Variants in AGBL5 observed in about 807,000 individuals in gnomAD.
The protein encoded by AGBL5 is cytosolic carboxypeptidase-like protein 5.
In AGBL5, 51 loss-of-function variants were observed where a neutral mutation model predicts 88.0. The observed-to-expected ratio is 0.58, with a 90% CI of 0.46 to 0.73. The LOEUF is 0.73. Among genes scored for constraint, AGBL5 ranks in the 30% least tolerant of loss-of-function variants. AGBL5 has a pLI of 0.00. For missense variants in AGBL5, 1,031 were observed against 1,162.2 expected (o/e 0.89, Z 1.64); for synonymous variants, 446 against 438.8 (o/e 1.02, Z -0.21).
rs779780941 is a variant in AGBL5 at position 27,058,570 on chromosome 2, G to A, written c.1842G>A (p.Lys614=). The change falls in exon 10 of 15, where the codon AAG becomes AAA. Residue 614 remains lysine (K), a synonymous_variant. Transcript: ENST00000360131. ...CTCTGAATGTGGGTGTCAACAAGAA[G>A]AGGGGCCTTCGAACTCCACCCAAAA... ...SSTLNVGVNK[K]RGLRTPPKSH... 5.0e-6 allele frequency: 8 copies of A among 1,614,068 alleles called. No individual in the cohort carries two copies. In the African/African-American group the frequency reaches 1.1e-4, roughly 22 times the overall value.
At position 27,058,519 on chromosome 2, in the gene AGBL5, A is replaced by G; in HGVS notation, c.1791A>G (p.Val597=). The G allele has an allele frequency of 1.9e-6, 3 of 1,614,220 alleles. No homozygotes were observed. The highest frequency in any genetic ancestry group is 1.7e-6 in the Non-Finnish European group (2 of 1,180,042). ...TNLRAWMLKH[V]RNSRGLSSTL... Reference sequence around the variant, plus strand: ...TACGGGCCTGGATGCTGAAACATGTACGCAACAGCCGAGGCCTAAGCAGCA... The same window carrying G: ...TACGGGCCTGGATGCTGAAACATGTGCGCAACAGCCGAGGCCTAAGCAGCA... The change falls in exon 10 of 15, where the codon GTA becomes GTG. Residue 597 remains valine (V), a synonymous_variant. Transcript: ENST00000360131.
At chr2:27,063,494 C>G (rs944282479) in intron 11 of AGBL5, among the ~76,000 whole-genome samples, 2 of 151,640 alleles carry the variant, frequency 1.3e-5, no homozygotes, top group African/African-American at 2.4e-5. Flanking sequence ...ACTCGGAAGG[C>G]TGAGGCAGGA....
At chr2:27,051,238 C>T (rs1353003313), upstream of AGBL5, among the ~76,000 whole-genome samples, 5 of 152,174 alleles carry the variant, frequency 3.3e-5, no homozygotes, top group East Asian at 1.9e-4. Context: ...AATGGTAGAG[C>T]GCTCGCTTAG....
intron 11 of AGBL5, among the ~76,000 whole-genome samples, chr2:27,060,638 G>T (rs1163805703): frequency 1.3e-5 from 2 of 152,294 alleles, no homozygotes; most frequent in East Asian, 3.9e-4. Context: ...GTCAGTGGCT[G>T]TGTAAATCTG....
rs375903966 is a variant in AGBL5 at position 27,055,227 on chromosome 2, C to T, written c.882C>T (p.Pro294=). Reference sequence around the variant, plus strand: ...TTAAGCTGATTCCCATGTTGAACCCCGATGGTGTGGTCCGGGGACACTACC... The same window carrying T: ...TTAAGCTGATTCCCATGTTGAACCCTGATGGTGTGGTCCGGGGACACTACC... ...FVFKLIPMLN[P]DGVVRGHYRT... The change falls in exon 6 of 15, where the codon CCC becomes CCT. Residue 294 remains proline (P), a synonymous_variant. Transcript: ENST00000360131. 10 of 1,614,160 alleles carry T rather than the reference C, an allele frequency of 6.2e-6. No homozygotes were observed. The East Asian group carries it at 6.7e-5, about 11-fold the overall frequency.
rs913144478 is a variant in AGBL5 at position 27,069,947 on chromosome 2, G to A, written c.2490-145G>A. On this transcript the variant is annotated intron_variant, in intron 14 of 14. Transcript: ENST00000360131. ...GGTCTAGGAGCTGGCTGGTTCCAGC[G>A]TCAAACCACTGTGCAGTAACCAACT... The A allele has an allele frequency of 2.6e-5, 39 of 1,491,476 alleles. No homozygotes were observed. In the East Asian group the frequency reaches 3.5e-4, roughly 13 times the overall value. 92.4% of individuals were successfully genotyped at this position (1,491,476 alleles called of 1,614,324 possible). A position where few individuals can be genotyped will look rare whatever the true frequency, so the allele number is the denominator to read the frequency against.
chr2:27,051,911 T>C (rs1342184036), intron 1 of AGBL5, 118 bp downstream of exon 1: 2 of 99,202 alleles, frequency 2.0e-5, no homozygotes, highest in African/African-American at 7.8e-5. Flanking sequence ...CGCACCCCGC[T>C]CCCGACCTGG....
chr2:27,059,579 T>C, intron 11 of AGBL5, 175 bp downstream of exon 11: 1 of 1,438,596 alleles, frequency 7.0e-7, no homozygotes, highest in Non-Finnish European at 9.3e-7. Flanking sequence ...GCGGCATGAT[T>C]CCAGAGCGGT....
intron 4 of AGBL5, 128 bp from the exon 5 acceptor site, chr2:27,054,502 T>C: frequency 1.2e-6 from 1 of 827,068 alleles, no homozygotes; most frequent in Non-Finnish European, 1.9e-6. Flanking sequence ...TTTAACATTG[T>C]GAGGGACTAT....
Position 27,054,987 on chromosome 2 carries a change from TC to T in AGBL5, c.730-86del. The T allele has an allele frequency of 3.3e-6, 5 of 1,514,518 alleles. No individual in the cohort carries two copies. In the South Asian group the frequency reaches 6.1e-5, roughly 19 times the overall value. The allele number at this position is 1,514,518 out of a possible 1,614,324, so 93.8% of individuals were successfully genotyped here. On this transcript the variant is annotated intron_variant, in intron 5 of 14. Transcript: ENST00000360131. ...AGCCAGCTGGAAATCCAGCGGCTAT[TC>T]CTGCCTCATCCATGACACCCCCCAT...
rs775595367 is a variant in AGBL5, at chr2:27,059,227, C to T, written c.1912C>T (p.Arg638Trp). ...PVSCSENTLS[R>W]ARSFSTGTSA... The stretch of plus-strand genomic sequence containing the variant: ...CTCCTGCTCCGAAAACACCTTGAGT[C>T]GGGCACGAAGTTTTAGCACCGGCAC... Residue 638 changes from arginine to tryptophan, a missense_variant, in exon 11 of 15, where the codon CGG (arginine) becomes TGG (tryptophan). Arg to Trp is a moderately radical substitution (Grantham distance 101). Transcript: ENST00000360131. 52 of 1,613,850 alleles carry T rather than the reference C, an allele frequency of 3.2e-5. No individual in the cohort carries two copies. The highest frequency in any genetic ancestry group is 6.7e-5 in the East Asian group (3 of 44,900).
intron 11 of AGBL5, among the ~76,000 whole-genome samples, chr2:27,067,155 G>A (rs947877377): frequency 2.0e-5 from 3 of 151,728 alleles, no homozygotes; most frequent in Admixed American, 1.3e-4. Context: ...CAGGAGGCTA[G>A]GTGGGAGGAT....
intron 11 of AGBL5, among the ~76,000 whole-genome samples, chr2:27,063,576 CAG>C (rs781527171): frequency 6.6e-4 from 91 of 137,858 alleles, no homozygotes; most frequent in Non-Finnish European, 1.2e-3. Context: ...ACCTGGGCGA[CAG>C]AGCGAGACTC....
chr2:27,070,434 G>A lies in AGBL5; in HGVS notation c.*171G>A. On this transcript the variant is annotated 3_prime_UTR_variant, in exon 15 of 15. Transcript: ENST00000360131. ...TATCACCTTGAGACAGAACAAAACA[G>A]GGACCTGCCACCCCTTCCCTCCCTC... The A allele has an allele frequency of 3.2e-6, 2 of 626,522 alleles. No individual in the cohort carries two copies. The highest frequency in any genetic ancestry group is 2.8e-5 in the East Asian group (1 of 35,668). 38.8% of individuals were successfully genotyped at this position (626,522 alleles called of 1,614,324 possible).
At chr2:27,055,312 C>T in intron 6 of AGBL5, 59 bp downstream of exon 6, 1 of 1,570,134 alleles carries the variant, frequency 6.4e-7, no homozygotes, top group East Asian at 2.3e-5. Context: ...CCCTGCATCT[C>T]AGTGAAATTC....
At chr2:27,056,558 T>C (rs1199307845) in intron 7 of AGBL5, 65 bp from the exon 8 acceptor site, 1 of 1,424,458 alleles carries the variant, frequency 7.0e-7, no homozygotes, top group South Asian at 1.3e-5. Flanking sequence ...ACATACTTGC[T>C]ATCTCTTCCT....
chr2:27,062,376 T>A (rs1668757730), intron 11 of AGBL5: 1 of 152,168 alleles, frequency 6.6e-6, no homozygotes, highest in Non-Finnish European at 1.5e-5. Context: ...TCCACCCGCC[T>A]CGGCCTCCCA....
intron 6 of AGBL5, 126 bp downstream of exon 6, chr2:27,055,379 C>T (rs1221156614): frequency 2.6e-5 from 33 of 1,277,350 alleles, no homozygotes; most frequent in Non-Finnish European, 3.3e-5. Context: ...AAAGGCAAGC[C>T]CATCTCATCT....
upstream of AGBL5, among the ~76,000 whole-genome samples, chr2:27,050,699 C>CAGA (rs1668035571): frequency 6.6e-6 from 1 of 152,230 alleles, no homozygotes; most frequent in African/African-American, 2.4e-5. Context: ...CAGGTTCCTT[C>CAGA]AGCTGGAGAA....
Sources: allele counts gnomAD v4.1 joint callset (sites outside exome capture counted in the v4.1 genomes callset), GRCh38; gene constraint gnomAD v4.1.1; transcripts MANE v1.5; gene names NCBI Gene and HGNC (gene_info 2026-07-23, HGNC 2026-07-21).